The following KIF21A variants were observed in gnomAD, a reference collection of about 807,000 sequenced individuals.
KIF21A encodes kinesin-like protein KIF21A.
Under a neutral mutation model 202.9 loss-of-function variants are expected in KIF21A, and 114 were observed. The observed-to-expected ratio is 0.56, with a 90% CI of 0.48 to 0.66. The LOEUF is 0.66. Ranked by LOEUF, KIF21A falls within the 30% of genes least tolerant of loss-of-function variation. KIF21A has a pLI of 0.00. For synonymous variants in KIF21A, 667 were observed against 670.8 expected, an observed-to-expected ratio of 0.99 and a Z score of 0.09; for missense variants, 1,677 against 1,994.9, an observed-to-expected ratio of 0.84 and a Z score of 3.04.
chr12:39,403,176 C>A (rs1952305543), intron 1 of KIF21A, among the ~76,000 whole-genome samples: 1 of 152,130 alleles, frequency 6.6e-6, no homozygotes, highest in South Asian at 2.1e-4. Flanking sequence ...CCCATTTGTT[C>A]ATTCATCAAA....
At position 39,322,816 on chromosome 12, in the gene KIF21A, T is replaced by C; in HGVS notation, c.3523A>G (p.Thr1175Ala). 1.2e-6 allele frequency: 2 copies of C among 1,614,018 alleles called. No homozygotes were observed. The highest frequency in any genetic ancestry group is 8.5e-7 in the Non-Finnish European group (1 of 1,179,890). The change falls in exon 27 of 38, where the codon ACT (threonine) becomes GCT (alanine). Residue 1175 changes from threonine to alanine, a missense_variant. Transcript: ENST00000361418. Reference sequence around the variant, plus strand: ...GGCAAGGAGGCATCTCCTGTACTAGTGTCTGAAGCTAGTTCACTGCTATCT... The same window carrying C: ...GGCAAGGAGGCATCTCCTGTACTAGCGTCTGAAGCTAGTTCACTGCTATCT... ...YADSSELASD[T>A]STGDASLPGP...
intron 11 of KIF21A, among the ~76,000 whole-genome samples, chr12:39,349,345 T>A (rs1386335408): frequency 2.0e-5 from 3 of 152,084 alleles, no homozygotes; most frequent in Non-Finnish European, 4.4e-5. Flanking sequence ...CAGTCCAAAG[T>A]TTCAATTAAT....
chr12:39,436,453 T>A (rs1429648464), intron 1 of KIF21A, among the ~76,000 whole-genome samples: 34 of 128,068 alleles, frequency 2.7e-4, no homozygotes, highest in East Asian at 8.1e-4. Context: ...TATATATTTT[T>A]TTTTTTTTTA....
chr12:39,408,826 GT>G (rs1274076160), intron 1 of KIF21A, among the ~76,000 whole-genome samples: 13 of 140,426 alleles, frequency 9.3e-5, no homozygotes, highest in East Asian at 2.1e-4. Flanking sequence ...GTTTTTTTTT[GT>G]TTTTTTTTTG....
intron 1 of KIF21A, among the ~76,000 whole-genome samples, chr12:39,426,168 A>T (rs80288042): frequency 0.064 from 9,766 of 152,266 alleles, 1,057 homozygotes; most frequent in African/African-American, 0.22. Context: ...GGAGTCTTAA[A>T]TTGTATTCAA....
rs754391171 is a variant in KIF21A at position 39,387,165 on chromosome 12, C to CAT, written c.45-16905_45-16904insAT. The stretch of plus-strand genomic sequence containing the variant: ...TTTTTGAAAGCATGCAGTAGTTACA[C>CAT]ACACACACACACACACACACACACA... On this transcript the variant is annotated intron_variant, in intron 1 of 37. Transcript: ENST00000361418. Among the ~76,000 whole-genome samples, 304 of 128,768 alleles carry CAT rather than the reference C, an allele frequency of 2.4e-3. 1 individual carries two copies. Among genetic ancestry groups the CAT allele is most frequent in the Middle Eastern group, 4.0e-3 (1 of 252 alleles). The allele number at this position is 128,768 out of a possible 152,430, so 84.5% of individuals were successfully genotyped here.
intron 37 of KIF21A, among the ~76,000 whole-genome samples, chr12:39,294,812 TTG>T (rs2136970688): frequency 6.6e-6 from 1 of 152,370 alleles, no homozygotes; most frequent in South Asian, 2.1e-4. Context: ...CCTCTTTTTA[TTG>T]AAGAGCTAAT....
intron 6 of KIF21A, among the ~76,000 whole-genome samples, chr12:39,365,493 C>T (rs1013853413): frequency 1.3e-5 from 2 of 152,178 alleles, no homozygotes; most frequent in African/African-American, 4.8e-5. Flanking sequence ...TATTTCCTTC[C>T]ATGTAATGAA....
At position 39,317,164 on chromosome 12, in the gene KIF21A, A is replaced by T. The variant is rs190607535; in HGVS notation, c.3908+909T>A. Among the ~76,000 whole-genome samples the T allele has an allele frequency of 5.3e-5, 8 of 152,326 alleles. No homozygotes were observed. In the East Asian group the frequency reaches 1.5e-3, roughly 29 times the overall value. ...AAACCATATTAAAATCTAATGAAGGATCCATAAATAAAAGAATTATCCATA... is the reference window on the plus strand; with the variant it reads ...AAACCATATTAAAATCTAATGAAGGTTCCATAAATAAAAGAATTATCCATA... On this transcript the variant is annotated intron_variant, in intron 29 of 37. Transcript: ENST00000361418.
chr12:39,397,438 C>A (rs1461559960), intron 1 of KIF21A, among the ~76,000 whole-genome samples: 1 of 151,482 alleles, frequency 6.6e-6, no homozygotes. Context: ...TCCAAACCAC[C>A]CCCCATAGAG....
intron 1 of KIF21A, among the ~76,000 whole-genome samples, chr12:39,428,932 T>C (rs765172138): frequency 1.4e-5 from 2 of 145,484 alleles, no homozygotes; most frequent in Non-Finnish European, 3.0e-5. Flanking sequence ...CACTCCAGCC[T>C]GGTGACAGAG....
At chr12:39,374,416 T>G (rs1276972278) in intron 1 of KIF21A, among the ~76,000 whole-genome samples, 1 of 152,174 alleles carries the variant, frequency 6.6e-6, no homozygotes, top group Non-Finnish European at 1.5e-5. Context: ...TTGGATTAAC[T>G]AATCTTAATC....
intron 1 of KIF21A, among the ~76,000 whole-genome samples, chr12:39,437,966 A>T (rs1184818605): frequency 6.6e-6 from 1 of 152,232 alleles, no homozygotes; most frequent in African/African-American, 2.4e-5. Context: ...TTTCAACTTA[A>T]AAGATCCTTA....
At chr12:39,412,008 TA>T (rs1478089018) in intron 1 of KIF21A, among the ~76,000 whole-genome samples, 1 of 151,990 alleles carries the variant, frequency 6.6e-6, no homozygotes, top group Non-Finnish European at 1.5e-5. Context: ...CTAATTTTTG[TA>T]ATTTTTTTTT....
chr12:39,337,373 T>A, intron 16 of KIF21A, 170 bp from the exon 17 acceptor site: 1 of 598,204 alleles, frequency 1.7e-6, no homozygotes, highest in Admixed American at 2.9e-5. Context: ...ATTCATATAT[T>A]TCTATTTCTA....
chr12:39,433,584 T>A (rs985723733), intron 1 of KIF21A, among the ~76,000 whole-genome samples: 159 of 152,314 alleles, frequency 1.0e-3, no homozygotes, highest in African/African-American at 3.6e-3. Flanking sequence ...ACTATCCACT[T>A]TAGTTACCAT....
chr12:39,376,982 A>G (rs989983950), intron 1 of KIF21A, among the ~76,000 whole-genome samples: 1 of 152,108 alleles, frequency 6.6e-6, no homozygotes, highest in African/African-American at 2.4e-5. Flanking sequence ...TCCTTAATCA[A>G]TGGTTTCATA....
intron 1 of KIF21A, among the ~76,000 whole-genome samples, chr12:39,423,983 CAAAAAAAAAAA>C (rs35526386): frequency 9.0e-4 from 23 of 25,668 alleles, no homozygotes; most frequent in South Asian, 2.0e-3. Flanking sequence ...GACTCTGTCT[CAAAAAAAAAAA>C]AAAAAAAAAA....
At chr12:39,305,955 C>G (rs1348361786) in intron 34 of KIF21A, among the ~76,000 whole-genome samples, 4 of 152,130 alleles carry the variant, frequency 2.6e-5, no homozygotes, top group Non-Finnish European at 1.5e-5. Flanking sequence ...TCTATGTACA[C>G]ACATATCTGT....
Sources: allele counts gnomAD v4.1 joint callset (sites outside exome capture counted in the v4.1 genomes callset), GRCh38; gene constraint gnomAD v4.1.1; transcripts MANE v1.5; gene names NCBI Gene and HGNC (gene_info 2026-07-23, HGNC 2026-07-21).